The following SLC30A10 variants were observed in gnomAD, a reference collection of about 807,000 sequenced individuals.
SLC30A10 encodes solute carrier family 30 member 10.
In SLC30A10, 8 loss-of-function variants were observed where a neutral mutation model predicts 21.7. That is an observed-to-expected ratio of 0.37 (90% CI 0.22 to 0.67). The LOEUF is 0.67. Ranked by LOEUF, SLC30A10 falls within the 30% of genes least tolerant of loss-of-function variation. SLC30A10 has a pLI of 0.58. For missense variants in SLC30A10, 521 were observed against 642.5 expected (o/e 0.81, Z 2.04); for synonymous variants, 272 against 279.4 (o/e 0.97, Z 0.26).
chr1:219,924,802 T>C (rs111338015), intron 2 of SLC30A10, among the ~76,000 whole-genome samples: 2 of 152,202 alleles, frequency 1.3e-5, no homozygotes, highest in African/African-American at 4.8e-5. Flanking sequence ...CTAAACACTT[T>C]ATATGTTTCA....
chr1:219,922,183 T>G (rs796463196), intron 2 of SLC30A10, among the ~76,000 whole-genome samples: 2,607 of 12,432 alleles, frequency 0.21, 115 homozygotes, highest in African/African-American at 0.26. Context: ...TGTGTTTTTT[T>G]TTTTTTTTTT....
At chr1:219,923,611 C>A (rs1659747862) in intron 2 of SLC30A10, among the ~76,000 whole-genome samples, 1 of 152,210 alleles carries the variant, frequency 6.6e-6, no homozygotes, top group African/African-American at 2.4e-5. Flanking sequence ...CTTTAAAAAG[C>A]TAATTGTCTT....
rs147950669 is a variant in SLC30A10 at position 219,926,937 on chromosome 1, C to T, written c.718+91G>A. On this transcript the variant is annotated intron_variant, in intron 2 of 3. Coordinates refer to ENST00000366926, the MANE Select transcript of SLC30A10 (RefSeq NM_018713.3). ...GTAACTGGCCTACTTTCAAACACACCTTTGCCTTATTAAAAGTCAAACAGA... is the reference window on the plus strand; with the variant it reads ...GTAACTGGCCTACTTTCAAACACACTTTTGCCTTATTAAAAGTCAAACAGA... The T allele has an allele frequency of 9.8e-6, 10 of 1,017,068 alleles. No homozygotes were observed. The African/African-American group carries it at 1.4e-4, about 15-fold the overall frequency. The allele number at this position is 1,017,068 out of a possible 1,614,324, so 63.0% of individuals were successfully genotyped here.
chr1:219,948,858 A>G (rs915218255), intron 1 of SLC30A10, among the ~76,000 whole-genome samples: 30 of 152,302 alleles, frequency 2.0e-4, no homozygotes, highest in South Asian at 1.7e-3. Flanking sequence ...TTCGCAACCT[A>G]CTCATGTGAC....
At chr1:219,924,618 C>T (rs977946379) in intron 2 of SLC30A10, among the ~76,000 whole-genome samples, 1 of 152,186 alleles carries the variant, frequency 6.6e-6, no homozygotes, top group Non-Finnish European at 1.5e-5. Context: ...CAGGAATGAT[C>T]TCAGCTAACA....
At position 219,911,204 on chromosome 1, in the gene SLC30A10, A is replaced by G. The variant is rs1659410506; in HGVS notation, c.*4245T>C. ...TCTTTTACTACAGGAATGTGAAGATATATTTAAAAATAGAATACTTTAAAA... is the reference window on the plus strand; with the variant it reads ...TCTTTTACTACAGGAATGTGAAGATGTATTTAAAAATAGAATACTTTAAAA... On this transcript the variant is annotated 3_prime_UTR_variant, in exon 4 of 4. Transcript: ENST00000366926. Among the ~76,000 whole-genome samples, 1 of 116,048 alleles carries G rather than the reference A, an allele frequency of 8.6e-6. No individual in the cohort carries two copies. Among genetic ancestry groups the G allele is most frequent in the South Asian group, 2.9e-4 (1 of 3,416 alleles). The allele number at this position is 116,048 out of a possible 152,430, so 76.1% of individuals were successfully genotyped here. A position where few individuals can be genotyped will look rare whatever the true frequency, so the allele number is the denominator to read the frequency against.
chr1:219,929,835 TGAC>T (rs1233896824), upstream of SLC30A10, among the ~76,000 whole-genome samples: 11 of 152,298 alleles, frequency 7.2e-5, no homozygotes, highest in African/African-American at 2.6e-4. Flanking sequence ...ACTCTTCTAT[TGAC>T]AACAGGCTGT....
intron 2 of SLC30A10, among the ~76,000 whole-genome samples, chr1:219,925,349 C>T (rs1659788303): frequency 6.6e-6 from 1 of 151,870 alleles, no homozygotes; most frequent in Non-Finnish European, 1.5e-5. Context: ...GCCTGGCCAA[C>T]ATGGTGAAAC....
rs59792236 is a variant in SLC30A10 at position 219,912,170 on chromosome 1, CAAAA to C, written c.*3275_*3278del. Among the ~76,000 whole-genome samples the C allele has an allele frequency of 4.0e-5, 3 of 74,698 alleles. No individual in the cohort carries two copies. Among genetic ancestry groups the C allele is most frequent in the Non-Finnish European group, 7.5e-5 (3 of 39,910 alleles). 49.0% of individuals were successfully genotyped at this position (74,698 alleles called of 152,430 possible). On this transcript the variant is annotated 3_prime_UTR_variant, in exon 4 of 4. Coordinates refer to ENST00000366926, the MANE Select transcript of SLC30A10 (RefSeq NM_018713.3). ...CCACTGGAATTTGCTCTACCAATGG[CAAAA>C]AAAAAAAAAAAAAAAAAAAAAAGAA...
rs1272046710 is a variant in SLC30A10 at position 219,918,858 on chromosome 1, T to C, written c.719-364A>G. 1.0e-5 allele frequency: 2 copies of C among 193,492 alleles called. No individual in the cohort carries two copies. The highest frequency in any genetic ancestry group is 2.3e-5 in the African/African-American group (1 of 43,042). 12.0% of individuals were successfully genotyped at this position (193,492 alleles called of 1,614,324 possible). A position where few individuals can be genotyped will look rare whatever the true frequency, so the allele number is the denominator to read the frequency against. On this transcript the variant is annotated intron_variant, in intron 2 of 3. Transcript: ENST00000366926. The surrounding 1 kb of genome is among the most constrained non-coding windows in gnomAD (Gnocchi z 4.4). ...GATTTCTTTTTCTTTCAGACAATCA[T>C]CTGTGCTTTACGTTGTTTTAAACAT...
chr1:219,913,735 A>T lies in SLC30A10; in HGVS notation c.*1714T>A, dbSNP rs1198237777. 1 of 152,148 alleles carries T rather than the reference A, an allele frequency of 6.6e-6. No individual in the cohort carries two copies. The highest frequency in any genetic ancestry group is 2.1e-4 in the South Asian group (1 of 4,834). 9.4% of individuals were successfully genotyped at this position (152,148 alleles called of 1,614,324 possible). Reference sequence around the variant, plus strand: ...TAAAAACATTTTTAGGCATTTTTCTATTTACCTACTTCACAGCCAATTTAA... The same window carrying T: ...TAAAAACATTTTTAGGCATTTTTCTTTTTACCTACTTCACAGCCAATTTAA... On this transcript the variant is annotated 3_prime_UTR_variant, in exon 4 of 4. Coordinates refer to ENST00000366926, the MANE Select transcript of SLC30A10 (RefSeq NM_018713.3).
At chr1:219,939,576 C>T (rs1482018580) in intron 1 of SLC30A10, among the ~76,000 whole-genome samples, 2 of 152,226 alleles carry the variant, frequency 1.3e-5, no homozygotes, top group African/African-American at 4.8e-5. Context: ...ATTACAGGCA[C>T]CTGCCACTGC....
In SLC30A10 at chr1:219,915,218, C is replaced by T. The variant is rs1659503912; in HGVS notation, c.*231G>A. 4 of 560,144 alleles carry T rather than the reference C, an allele frequency of 7.1e-6. No homozygotes were observed. Among genetic ancestry groups the T allele is most frequent in the Admixed American group, 3.2e-5 (1 of 31,146 alleles). 34.7% of individuals were successfully genotyped at this position (560,144 alleles called of 1,614,324 possible). ...TTGCTTTAGAAAATGCATGTTCAAGCTGAAACAGTCAAAGAGCAGCATGAG... is the reference window on the plus strand; with the variant it reads ...TTGCTTTAGAAAATGCATGTTCAAGTTGAAACAGTCAAAGAGCAGCATGAG... On this transcript the variant is annotated 3_prime_UTR_variant, in exon 4 of 4. Coordinates refer to ENST00000366926, the MANE Select transcript of SLC30A10 (RefSeq NM_018713.3).
upstream of SLC30A10, among the ~76,000 whole-genome samples, chr1:219,958,867 A>T (rs980487202): frequency 6.6e-6 from 1 of 152,188 alleles, no homozygotes; most frequent in Non-Finnish European, 1.5e-5. Context: ...ACCTATGATC[A>T]TGGACACAAA....
At chr1:219,948,293 C>T (rs377633351) in intron 1 of SLC30A10, among the ~76,000 whole-genome samples, 10 of 150,914 alleles carry the variant, frequency 6.6e-5, no homozygotes, top group South Asian at 2.1e-4. Flanking sequence ...AAAAAGAGCC[C>T]GCATCGCCAA....
In SLC30A10 at chr1:219,953,372, A is replaced by G. The variant is rs538631089; in HGVS notation, n.80+5196T>C. Among the ~76,000 whole-genome samples the G allele has an allele frequency of 4.8e-3, 732 of 151,918 alleles. 6 individuals carry two copies. The highest frequency in any genetic ancestry group is 4.1e-3 in the Non-Finnish European group (281 of 67,926). ...AGCACTTTGGGAGGCCGAGGCGGGC[A>G]GATCATGAGGTCAGGAGATCGAGAC... On this transcript the variant is annotated intron_variant and non_coding_transcript_variant, in intron 1 of 8. Transcript: ENST00000484239.
intron 1 of SLC30A10, among the ~76,000 whole-genome samples, chr1:219,955,580 G>A (rs955334509): frequency 6.6e-6 from 1 of 152,116 alleles, no homozygotes; most frequent in African/African-American, 2.4e-5. Context: ...TTAATTTAAA[G>A]TTAGTGGTCT....
chr1:219,911,149 G>GTTTTTTTTTGTTT lies in SLC30A10; in HGVS notation c.*4299_*4300insAAACAAAAAAAAA, dbSNP rs1659401231. 1.0e-4 allele frequency among the ~76,000 whole-genome samples: 5 copies of GTTTTTTTTTGTTT among 49,394 alleles called. No individual in the cohort carries two copies. The highest frequency in any genetic ancestry group is 2.9e-4 in the African/African-American group (5 of 17,152). The allele number at this position is 49,394 out of a possible 152,430, so 32.4% of individuals were successfully genotyped here. On this transcript the variant is annotated 3_prime_UTR_variant, in exon 4 of 4. Coordinates refer to ENST00000366926, the MANE Select transcript of SLC30A10 (RefSeq NM_018713.3). Reference sequence around the variant, plus strand: ...ATGTTTCTTCATTTTTTCTACATCAGTTTTTTTTTTTTTTTTTTTTTTTTT... The same window carrying GTTTTTTTTTGTTT: ...ATGTTTCTTCATTTTTTCTACATCAGTTTTTTTTTGTTTTTTTTTTTTTTTTTTTTTTTTTTTT...
intron 1 of SLC30A10, among the ~76,000 whole-genome samples, chr1:219,927,513 A>G (rs1659857423): frequency 6.6e-6 from 1 of 151,948 alleles, no homozygotes. Flanking sequence ...ACTCATATAC[A>G]GAGAATAGGG....
Sources: gnomAD v4.1 joint callset for allele counts (sites outside exome capture counted in the v4.1 genomes callset) on GRCh38, gnomAD v4.1.1 for gene constraint, Gnocchi (gnomAD v3.1) non-coding constraint, MANE v1.5 for transcripts, NCBI Gene and HGNC (gene_info 2026-07-23, HGNC 2026-07-21) for gene names.